UCP3: variants seen among roughly 807,000 people sequenced by gnomAD.
The protein encoded by UCP3 is putative mitochondrial transporter UCP3.
A neutral mutation model predicts 28.1 loss-of-function variants in UCP3; 24 were observed. That is an observed-to-expected ratio of 0.85 (90% CI 0.62 to 1.20). The LOEUF (loss-of-function observed/expected upper bound fraction) is 1.20, where lower values mean the gene tolerates loss of function less well. UCP3 is among the 50% of genes most tolerant of loss of function. The probability of loss-of-function intolerance (pLI) is 0.00; values close to 1 mark genes in which losing one functional copy is unlikely to be tolerated. For missense variants in UCP3, 397 were observed against 422.2 expected (o/e 0.94, Z 0.52); for synonymous variants, 184 against 171.2 (o/e 1.07, Z -0.59).
rs562999909 is a variant in UCP3, at chr11:74,003,956, G to A, written c.695C>T (p.Thr232Ile). Residue 232 changes from threonine to isoleucine, a missense_variant, in exon 6 of 7, where the codon ACA becomes ATA. Thr to Ile is a moderately conservative substitution (Grantham distance 89). Transcript: ENST00000314032. ...CACGTCCACCGGGGAGGCCACCACT[G>A]TGGCACAGAAGCCGGCTCCAAAGGC... ...VSAFGAGFCA[T>I]VVASPVDVVK... 28 of 1,614,074 alleles carry A rather than the reference G, an allele frequency of 1.7e-5. No individual in the cohort carries two copies. In the South Asian group the frequency reaches 2.7e-4, roughly 16 times the overall value.
intron 2 of UCP3, 97 bp downstream of exon 2, chr11:74,006,820 C>G: frequency 6.3e-7 from 1 of 1,590,290 alleles, no homozygotes; most frequent in Non-Finnish European, 8.6e-7. Context: ...TGTCAGGGTT[C>G]TGAGGAAGGG....
rs1335426591 is a variant in UCP3, at chr11:74,005,807, C to T, written c.464G>A (p.Ser155Asn). 3 of 1,614,230 alleles carry T rather than the reference C, an allele frequency of 1.9e-6. No homozygotes were observed. The highest frequency in any genetic ancestry group is 2.7e-5 in the African/African-American group (2 of 75,054). The change falls in exon 4 of 7, where the codon AGC (serine) becomes AAC (asparagine). Residue 155 changes from serine to asparagine, a missense_variant. Ser to Asn is a conservative substitution (Grantham distance 46). Transcript: ENST00000314032. ...CATAGTCCCGCTGTATTTTCTGTCG[C>T]TCCTGGATGGCCCGAGGTGTATGCT... ...QASIHLGPSR[S>N]DRKYSGTMDA...
In UCP3 at chr11:74,003,002, T is replaced by C. The variant is rs191025701; in HGVS notation, c.824+825A>G. On this transcript the variant is annotated intron_variant, in intron 6 of 6. Transcript: ENST00000314032. ...GGCTCCACCATTTTAACCTGTGATC[T>C]TGGATAAGTTACTTAACTTTTCTGA... 1.7e-4 allele frequency: 164 copies of C among 945,232 alleles called. 1 individual carries two copies. The African/African-American group carries it at 2.8e-3, about 16-fold the overall frequency. 58.6% of individuals were successfully genotyped at this position (945,232 alleles called of 1,614,324 possible). A position where few individuals can be genotyped will look rare whatever the true frequency, so the allele number is the denominator to read the frequency against.
At chr11:74,003,649 C>A in intron 6 of UCP3, 178 bp downstream of exon 6, 2 of 1,436,260 alleles carry the variant, frequency 1.4e-6, no homozygotes, top group African/African-American at 1.4e-5. Flanking sequence ...TAACCCTCCC[C>A]ATCAGGTATG....
Position 74,003,954 on chromosome 11 carries a change from C to T in UCP3, c.697G>A (p.Val233Met), listed in dbSNP as rs907045341. Reference sequence around the variant, plus strand: ...ACCACGTCCACCGGGGAGGCCACCACTGTGGCACAGAAGCCGGCTCCAAAG... The same window carrying T: ...ACCACGTCCACCGGGGAGGCCACCATTGTGGCACAGAAGCCGGCTCCAAAG... Reference protein sequence around the residue: ...SAFGAGFCATVVASPVDVVKT... With the variant: ...SAFGAGFCATMVASPVDVVKT... Residue 233 changes from valine to methionine, a missense_variant, in exon 6 of 7, where the codon GTG becomes ATG. Physicochemically the swap from Val to Met is conservative, Grantham distance 21. Coordinates refer to ENST00000314032, the MANE Select transcript of UCP3 (RefSeq NM_003356.4). 8 of 1,614,064 alleles carry T rather than the reference C, an allele frequency of 5.0e-6. No homozygotes were observed. The highest frequency in any genetic ancestry group is 6.8e-6 in the Non-Finnish European group (8 of 1,180,050).
intron 6 of UCP3, chr11:74,003,534 T>C: frequency 4.4e-6 from 5 of 1,127,372 alleles, no homozygotes; most frequent in East Asian, 1.1e-4. Context: ...TGGTGCTCAA[T>C]GGCCATGGCA....
Position 74,006,189 on chromosome 11 carries a change from T to TAC in UCP3, c.315_316dup (p.Tyr106CysfsTer27). 6.2e-7 allele frequency: 1 copy of TAC among 1,614,092 alleles called. No homozygotes were observed. The highest frequency in any genetic ancestry group is 8.5e-7 in the Non-Finnish European group (1 of 1,180,016). On this transcript the variant is annotated frameshift_variant, in exon 3 of 7. Transcript: ENST00000314032. LOFTEE classifies it high-confidence loss of function. ...CTCACTGTCCGCGCCTTTGGGGGTG[T>TAC]ACACCTGCTTGACGGAGTCATAGAG...
rs1256176017 is a variant in UCP3 at position 74,006,964 on chromosome 11, C to A, written c.79G>T (p.Ala27Ser). The change falls in exon 2 of 7, where the codon GCT becomes TCT. Residue 27 changes from alanine (A) to serine (S), a missense_variant. Coordinates refer to ENST00000314032, the MANE Select transcript of UCP3 (RefSeq NM_003356.4). ...TCCAGTGGAAAGGTAACGAGGTCAG[C>A]AAAACAGGCTGCTGTGCCTGCCCCC... ...FLGAGTAACF[A>S]DLVTFPLDTA... 1.2e-6 allele frequency: 2 copies of A among 1,614,050 alleles called. No homozygotes were observed. Among genetic ancestry groups the A allele is most frequent in the Non-Finnish European group, 1.7e-6 (2 of 1,180,044 alleles).
At chr11:74,007,223 A>G in intron 1 of UCP3, 86 bp from the exon 2 acceptor site, 1 of 767,108 alleles carries the variant, frequency 1.3e-6, no homozygotes, top group African/African-American at 1.8e-5. Context: ...GGGGCTTTAG[A>G]AAGGGAGAAG....
Position 74,005,862 on chromosome 11 carries a change from T to C in UCP3, c.409A>G (p.Thr137Ala). 6.2e-7 allele frequency: 1 copy of C among 1,614,178 alleles called. No individual in the cohort carries two copies. The highest frequency in any genetic ancestry group is 1.3e-5 in the African/African-American group (1 of 75,032). The part of the protein sequence containing the change: ...GAMAVTCAQP[T>A]DVVKVRFQAS... ...TGAAATCGGACCTTCACCACATCTG[T>C]GGGCTGGGCACAGGTCACCGCCATG... Residue 137 changes from threonine (T) to alanine (A), a missense_variant, in exon 4 of 7, where the codon ACA becomes GCA. Thr to Ala is a moderately conservative substitution (Grantham distance 58). Transcript: ENST00000314032.
intron 6 of UCP3, among the ~76,000 whole-genome samples, chr11:74,002,450 C>G (rs1190549043): frequency 6.6e-6 from 1 of 152,196 alleles, no homozygotes; most frequent in East Asian, 1.9e-4. Flanking sequence ...GCTTTACAAT[C>G]TGGACACATC....
chr11:74,006,791 G>T, intron 2 of UCP3, 126 bp downstream of exon 2: 1 of 1,477,426 alleles, frequency 6.8e-7, no homozygotes, highest in South Asian at 1.2e-5. Context: ...AGGGTCCTAA[G>T]CAGTGGAGTG....
chr11:74,005,758 C>T lies in UCP3; in HGVS notation c.513G>A (p.Arg171=). ...TCCACAGGCCCCTGACTCCTTCCTCCCTGGCGATGGTTCTGTAGGCGTCCA... is the reference window on the plus strand; with the variant it reads ...TCCACAGGCCCCTGACTCCTTCCTCTCTGGCGATGGTTCTGTAGGCGTCCA... ...GTMDAYRTIA[R]EEGVRGLWKG... The change falls in exon 4 of 7, where the codon AGG becomes AGA. Residue 171 remains arginine, a synonymous_variant. Transcript: ENST00000314032. The T allele has an allele frequency of 6.2e-7, 1 of 1,614,220 alleles. No homozygotes were observed. Among genetic ancestry groups the T allele is most frequent in the Non-Finnish European group, 8.5e-7 (1 of 1,180,048 alleles).
chr11:74,006,878 T>C lies in UCP3; in HGVS notation c.126+39A>G, dbSNP rs771739253. On this transcript the variant is annotated intron_variant, in intron 2 of 6. Coordinates refer to ENST00000314032, the MANE Select transcript of UCP3 (RefSeq NM_003356.4). ...GATATGGGAGAGAACTAGCCCCTCC[T>C]TCCATGTGATCAATGACCCTTGGCC... 4.3e-6 allele frequency: 7 copies of C among 1,614,006 alleles called. No homozygotes were observed. The Admixed American group carries it at 1.0e-4, about 23-fold the overall frequency.
At chr11:74,007,454 A>C (rs930961334) in intron 1 of UCP3, 1 of 202,888 alleles carries the variant, frequency 4.9e-6, no homozygotes, top group African/African-American at 2.3e-5. Context: ...TTTTTGAGAC[A>C]GGGTCTCACT....
chr11:74,003,078 G>A lies in UCP3; in HGVS notation c.824+749C>T, dbSNP rs1386587752. The A allele has an allele frequency of 1.6e-5, 7 of 426,424 alleles. No homozygotes were observed. In the Admixed American group the frequency reaches 1.9e-4, roughly 12 times the overall value. 26.4% of individuals were successfully genotyped at this position (426,424 alleles called of 1,614,324 possible). A position where few individuals can be genotyped will look rare whatever the true frequency, so the allele number is the denominator to read the frequency against. On this transcript the variant is annotated intron_variant, in intron 6 of 6. Transcript: ENST00000314032. ...TGGACAATACTACCCAGTTCAAGGG[G>A]CTGTTGGGATAACGTGTGTAAAGTG... is the stretch of plus-strand genomic sequence containing the variant.
chr11:74,004,243 G>A (rs1342910105), intron 5 of UCP3, among the ~76,000 whole-genome samples: 2 of 152,184 alleles, frequency 1.3e-5, no homozygotes. Flanking sequence ...GAAGGTGAGA[G>A]ACCCCTGCTT....
chr11:74,004,704 C>CA (rs1489619435), intron 4 of UCP3, 119 bp from the exon 5 acceptor site: 12 of 887,468 alleles, frequency 1.4e-5, no homozygotes, highest in Non-Finnish European at 1.8e-5. Context: ...CATAGTGCCC[C>CA]ATTCCAATGG....
At position 74,006,936 on chromosome 11, in the gene UCP3, G is replaced by A; in HGVS notation, c.107C>T (p.Thr36Ile). The change falls in exon 2 of 7, where the codon ACA becomes ATA. Residue 36 changes from threonine to isoleucine, a missense_variant. By Grantham distance (89) the Thr-to-Ile change is moderately conservative (BLOSUM62 -1). Transcript: ENST00000314032. ...FADLVTFPLDTAKVRLQIQGE... is the reference protein window; with the variant it reads ...FADLVTFPLDIAKVRLQIQGE... The stretch of plus-strand genomic sequence containing the variant: ...ACCTACCTGCAGGCGGACCTTGGCT[G>A]TGTCCAGTGGAAAGGTAACGAGGTC... 1 of 1,614,208 alleles carries A rather than the reference G, an allele frequency of 6.2e-7. No homozygotes were observed. The highest frequency in any genetic ancestry group is 8.5e-7 in the Non-Finnish European group (1 of 1,180,030).
Sources: allele counts gnomAD v4.1 joint callset (sites outside exome capture counted in the v4.1 genomes callset), GRCh38; gene constraint gnomAD v4.1.1; transcripts MANE v1.5; gene names NCBI Gene and HGNC (gene_info 2026-07-23, HGNC 2026-07-21).